FAM149B1: variants seen among roughly 807,000 people sequenced by gnomAD.
FAM149B1 encodes family with sequence similarity 149 member B1.
In FAM149B1, 56 loss-of-function variants were observed where a neutral mutation model predicts 75.3. The ratio of observed to expected loss-of-function variants is 0.74; its 90% CI spans 0.60 to 0.93. The LOEUF is 0.93. FAM149B1 is among the 40% of genes least tolerant of loss of function. The pLI, the probability that FAM149B1 is intolerant of heterozygous loss-of-function variation, is 0.00. For synonymous variants in FAM149B1, 259 were observed against 256.1 expected (o/e 1.01, Z -0.11); for missense variants, 639 against 708.4 (o/e 0.90, Z 1.11).
chr10:73,184,033 G>A (rs1296312382), intron 3 of FAM149B1, among the ~76,000 whole-genome samples: 3 of 152,090 alleles, frequency 2.0e-5, no homozygotes, highest in South Asian at 2.1e-4. Context: ...GAAATAAGAC[G>A]GTCACAGGAG....
At chr10:73,211,761 A>G (rs978648519) in intron 7 of FAM149B1, among the ~76,000 whole-genome samples, 1 of 151,994 alleles carries the variant, frequency 6.6e-6, no homozygotes, top group African/African-American at 2.4e-5. Flanking sequence ...AAACTGCACT[A>G]TTTTTTCTTT....
In FAM149B1 at chr10:73,241,136, G is replaced by A. The variant is rs2043943400; in HGVS notation, c.*117G>A. 5 of 710,912 alleles carry A rather than the reference G, an allele frequency of 7.0e-6. No individual in the cohort carries two copies. The highest frequency in any genetic ancestry group is 1.2e-5 in the Non-Finnish European group (5 of 402,504). 44.0% of individuals were successfully genotyped at this position (710,912 alleles called of 1,614,324 possible). ...ATCGACTAGAAATCATCTTCATGAA[G>A]AGTGATTTTGGCACAAGTGACCGAA... On this transcript the variant is annotated 3_prime_UTR_variant, in exon 14 of 14. Transcript: ENST00000242505.
chr10:73,185,817 T>C (rs1490798551), intron 3 of FAM149B1, among the ~76,000 whole-genome samples: 1 of 152,176 alleles, frequency 6.6e-6, no homozygotes, highest in Non-Finnish European at 1.5e-5. Flanking sequence ...AATTTAACAA[T>C]GCCACAAGGT....
At chr10:73,233,227 T>C in intron 10 of FAM149B1, 64 bp downstream of exon 10, 1 of 1,108,516 alleles carries the variant, frequency 9.0e-7, no homozygotes. Context: ...CATACAGAAT[T>C]AATTTAAATA....
At chr10:73,226,732 T>C (rs1453377804) in intron 7 of FAM149B1, among the ~76,000 whole-genome samples, 1 of 152,260 alleles carries the variant, frequency 6.6e-6, no homozygotes, top group Non-Finnish European at 1.5e-5. Context: ...CAATAAATGT[T>C]AGCTATTGTC....
intron 5 of FAM149B1, chr10:73,200,701 T>A (rs532803588): frequency 2.1e-6 from 1 of 486,206 alleles, no homozygotes; most frequent in Non-Finnish European, 4.0e-6. Context: ...TCACTAAAGA[T>A]CCTATTCAAA....
intron 7 of FAM149B1, among the ~76,000 whole-genome samples, chr10:73,219,259 A>G (rs2133381329): frequency 6.6e-6 from 1 of 152,292 alleles, no homozygotes; most frequent in Non-Finnish European, 1.5e-5. Flanking sequence ...ATTAGAGGAG[A>G]CCTAATGAAA....
At chr10:73,170,088 A>G (rs914124679) in intron 1 of FAM149B1, among the ~76,000 whole-genome samples, 16 of 151,188 alleles carry the variant, frequency 1.1e-4, no homozygotes, top group Non-Finnish European at 1.9e-4. Context: ...AATTGCAAGC[A>G]TGCTATTTTG....
intron 5 of FAM149B1, among the ~76,000 whole-genome samples, chr10:73,205,111 CA>C (rs2043027342): frequency 6.6e-6 from 1 of 150,622 alleles, no homozygotes; most frequent in Non-Finnish European, 1.5e-5. Context: ...CCCGCCTGGC[CA>C]ATTATTCTTA....
chr10:73,215,092 AGCCTCTGC>A, intron 7 of FAM149B1, among the ~76,000 whole-genome samples: 1 of 152,036 alleles, frequency 6.6e-6, no homozygotes, highest in Admixed American at 6.6e-5. Context: ...GGCTCACTGC[AGCCTCTGC>A]GCCTCTGCCT....
chr10:73,239,035 A>G, intron 12 of FAM149B1: 1 of 312,692 alleles, frequency 3.2e-6, no homozygotes, highest in Non-Finnish European at 5.9e-6. Context: ...TAACTGAAAT[A>G]TTAAACCATA....
chr10:73,174,642 G>T (rs1843863184), intron 1 of FAM149B1, 45 bp from the exon 2 acceptor site: 1 of 1,331,980 alleles, frequency 7.5e-7, no homozygotes, highest in Non-Finnish European at 1.1e-6. Context: ...TGAATTGTAT[G>T]TATTTTTTTA....
At position 73,243,418 on chromosome 10, in the gene FAM149B1, G is replaced by T. The variant is rs780291591; in HGVS notation, c.*2399G>T. 6 of 1,613,870 alleles carry T rather than the reference G, an allele frequency of 3.7e-6. No homozygotes were observed. Among genetic ancestry groups the T allele is most frequent in the Non-Finnish European group, 5.1e-6 (6 of 1,179,890 alleles). On this transcript the variant is annotated 3_prime_UTR_variant, in exon 14 of 14. Coordinates refer to ENST00000242505, the MANE Select transcript of FAM149B1 (RefSeq NM_173348.2). ...AATTCCATTATTTCTTTTCTTTCTT[G>T]AGAGCAGATTTTTTCCCTCCTCCTT...
rs1232741523 is a variant in FAM149B1 at position 73,177,910 on chromosome 10, T to C, written c.217T>C (p.Phe73Leu). ...CGACACTGGGAATTCACTGTCTGCT[T>C]TTCCAAGTTATACAGGCGCAGGGAT... The part of the protein sequence containing the change: ...SADTGNSLSA[F>L]PSYTGAGIST... The change falls in exon 3 of 14, where the codon TTT (phenylalanine) becomes CTT (leucine). Residue 73 changes from phenylalanine to leucine, a missense_variant. Phe to Leu is a conservative substitution (Grantham distance 22). Coordinates refer to ENST00000242505, the MANE Select transcript of FAM149B1 (RefSeq NM_173348.2). 1 of 1,551,734 alleles carries C rather than the reference T, an allele frequency of 6.4e-7. No homozygotes were observed. The highest frequency in any genetic ancestry group is 2.0e-5 in the Admixed American group (1 of 50,990).
Position 73,178,055 on chromosome 10 carries a change from T to C in FAM149B1, c.282+80T>C, listed in dbSNP as rs1844050629. 5.3e-6 allele frequency: 7 copies of C among 1,322,750 alleles called. No individual in the cohort carries two copies. The South Asian group carries it at 1.0e-4, about 20-fold the overall frequency. 81.9% of individuals were successfully genotyped at this position (1,322,750 alleles called of 1,614,324 possible). On this transcript the variant is annotated intron_variant, in intron 3 of 13. Transcript: ENST00000242505. ...AGGATTTGTCAGTATATTTCATTCC[T>C]TCACTCTCCTGCATTGTTTCTTTAC...
rs2133395710 is a variant in FAM149B1, at chr10:73,228,123, T to C, written c.962T>C (p.Leu321Pro). The C allele has an allele frequency of 1.3e-6, 2 of 1,551,288 alleles. No individual in the cohort carries two copies. Among genetic ancestry groups the C allele is most frequent in the Non-Finnish European group, 1.7e-6 (2 of 1,146,564 alleles). The change falls in exon 8 of 14, where the codon CTA becomes CCA. Residue 321 changes from leucine to proline, a missense_variant. Transcript: ENST00000242505. ...GAAAGTTCCTGTGTGCTGAGTGAAC[T>C]ACATCCTTTGGTGTTACCGCGAGTG... is the stretch of plus-strand genomic sequence containing the variant. ...DSESSCVLSE[L>P]HPLVLPRVPQ...
intron 5 of FAM149B1, among the ~76,000 whole-genome samples, chr10:73,195,366 G>C (rs2042778334): frequency 1.3e-5 from 2 of 152,012 alleles, no homozygotes; most frequent in Non-Finnish European, 2.9e-5. Context: ...TGGTCATTAG[G>C]CATTCTTTTT....
chr10:73,178,601 C>T (rs1051061137), intron 3 of FAM149B1, among the ~76,000 whole-genome samples: 1 of 151,914 alleles, frequency 6.6e-6, no homozygotes, highest in African/African-American at 2.4e-5. Flanking sequence ...ACTAATGTTA[C>T]CTTGTTGTTT....
intron 9 of FAM149B1, among the ~76,000 whole-genome samples, chr10:73,231,719 C>T (rs951403234): frequency 2.6e-5 from 4 of 151,986 alleles, no homozygotes; most frequent in African/African-American, 4.8e-5. Flanking sequence ...CCTCTGTTGG[C>T]GGAAAAGATG....
Sources: gnomAD v4.1 joint callset for allele counts (sites outside exome capture counted in the v4.1 genomes callset) on GRCh38, gnomAD v4.1.1 for gene constraint, MANE v1.5 for transcripts, NCBI Gene and HGNC (gene_info 2026-07-23, HGNC 2026-07-21) for gene names.